The following CTRB1 variants were observed in gnomAD, a reference collection of about 807,000 sequenced individuals.
CTRB1 encodes the protein chymotrypsinogen B.
CTRB1 carries 15 observed loss-of-function variants against 20.4 expected under a neutral mutation model. The ratio of observed to expected loss-of-function variants is 0.74; its 90% CI spans 0.49 to 1.13. The LOEUF (loss-of-function observed/expected upper bound fraction) is 1.13. Ranked by LOEUF, CTRB1 falls within the 50% of genes most tolerant of loss-of-function variation. The pLI, the probability that CTRB1 is intolerant of heterozygous loss-of-function variation, is 0.00. For missense variants in CTRB1, 227 were observed against 290.1 expected, an observed-to-expected ratio of 0.78 and a Z score of 1.58; for synonymous variants, 92 against 128.4, an observed-to-expected ratio of 0.72 and a Z score of 1.92.
intron 1 of CTRB1, among the ~76,000 whole-genome samples, chr16:75,221,539 T>C (rs1412665393): frequency 2.0e-5 from 3 of 152,024 alleles, no homozygotes; most frequent in Non-Finnish European, 4.4e-5. Flanking sequence ...TTTGTATTTT[T>C]AGTAGAGATG....
intron 6 of CTRB1, 92 bp from the exon 7 acceptor site, chr16:75,224,613 C>A: frequency 7.1e-7 from 1 of 1,409,506 alleles, no homozygotes; most frequent in Non-Finnish European, 9.6e-7. Flanking sequence ...TGTGTGGGGT[C>A]CTGGACTGGA....
Position 75,224,737 on chromosome 16 carries a change from G to C in CTRB1, c.663G>C (p.Lys221Asn). The C allele has an allele frequency of 6.2e-7, 1 of 1,613,236 alleles. No homozygotes were observed. Among genetic ancestry groups the C allele is most frequent in the Non-Finnish European group, 8.5e-7 (1 of 1,179,830 alleles). ...CTGGCGGCCCCCTGGTCTGCCAAAA[G>C]GATGGAGCCTGGACCCTGGTGGGCA... Reference protein sequence around the residue: ...GDSGGPLVCQKDGAWTLVGIV... With the variant: ...GDSGGPLVCQNDGAWTLVGIV... Residue 221 changes from lysine to asparagine, a missense_variant, in exon 7 of 7, where the codon AAG (lysine) becomes AAC (asparagine). Coordinates refer to ENST00000361017, the MANE Select transcript of CTRB1 (RefSeq NM_001906.6).
rs765229812 is a variant in CTRB1, at chr16:75,224,196, T to C, written c.630+8T>C. The C allele has an allele frequency of 9.4e-5, 135 of 1,440,792 alleles. No individual in the cohort carries two copies. The highest frequency in any genetic ancestry group is 1.2e-4 in the Non-Finnish European group (125 of 1,083,784). The allele number at this position is 1,440,792 out of a possible 1,614,324, so 89.3% of individuals were successfully genotyped here. On this transcript the variant is annotated splice_region_variant and intron_variant, in intron 6 of 6. Transcript: ENST00000361017. Reference sequence around the variant, plus strand: ...GGCGTCTCCTCCTGCATGGTGAGGCTGGCCCTGCCCAGGCCCTGGCCAGGC... The same window carrying C: ...GGCGTCTCCTCCTGCATGGTGAGGCCGGCCCTGCCCAGGCCCTGGCCAGGC...
At chr16:75,224,598 T>G in intron 6 of CTRB1, 107 bp from the exon 7 acceptor site, 1 of 1,287,746 alleles carries the variant, frequency 7.8e-7, no homozygotes, top group Non-Finnish European at 1.1e-6. Flanking sequence ...GCTGAGCCTT[T>G]GCTGTGTGTG....
Position 75,224,197 on chromosome 16 carries a change from G to A in CTRB1, c.630+9G>A, listed in dbSNP as rs2076715562. On this transcript the variant is annotated intron_variant, in intron 6 of 6. Coordinates refer to ENST00000361017, the MANE Select transcript of CTRB1 (RefSeq NM_001906.6). ...GCGTCTCCTCCTGCATGGTGAGGCT[G>A]GCCCTGCCCAGGCCCTGGCCAGGCG... 1 of 1,436,738 alleles carries A rather than the reference G, an allele frequency of 7.0e-7. No homozygotes were observed. The highest frequency in any genetic ancestry group is 9.3e-7 in the Non-Finnish European group (1 of 1,080,486). 89.0% of individuals were successfully genotyped at this position (1,436,738 alleles called of 1,614,324 possible). A position where few individuals can be genotyped will look rare whatever the true frequency, so the allele number is the denominator to read the frequency against.
At chr16:75,220,600 A>C (rs1256064616) in intron 1 of CTRB1, among the ~76,000 whole-genome samples, 1 of 152,222 alleles carries the variant, frequency 6.6e-6, no homozygotes, top group East Asian at 1.9e-4. Flanking sequence ...TGGCTGATGT[A>C]ACTAATACTC....
intron 1 of CTRB1, among the ~76,000 whole-genome samples, chr16:75,222,181 C>T (rs1240005260): frequency 6.6e-6 from 1 of 151,752 alleles, no homozygotes; most frequent in Non-Finnish European, 1.5e-5. Context: ...AAAGAGAAAC[C>T]CAAACTTTAC....
chr16:75,222,064 G>C (rs1182378175), intron 1 of CTRB1, among the ~76,000 whole-genome samples: 2 of 108,598 alleles, frequency 1.8e-5, no homozygotes, highest in East Asian at 2.7e-4. Context: ...GTCTCAAAAA[G>C]AAAAAAAAAA....
At chr16:75,224,339 C>T (rs986172149) in intron 6 of CTRB1, 151 bp downstream of exon 6, 8 of 1,444,084 alleles carry the variant, frequency 5.5e-6, no homozygotes, top group Non-Finnish European at 7.5e-6. Flanking sequence ...AATGTCAGAG[C>T]CAATGGCTCT....
intron 1 of CTRB1, among the ~76,000 whole-genome samples, chr16:75,220,128 C>T (rs1052083917): frequency 1.4e-5 from 2 of 147,690 alleles, no homozygotes; most frequent in African/African-American, 5.2e-5. Flanking sequence ...GCGCTACAGG[C>T]ACGCTAAGTT....
chr16:75,219,542 C>T (rs919135474), intron 1 of CTRB1, among the ~76,000 whole-genome samples: 2 of 151,996 alleles, frequency 1.3e-5, no homozygotes, highest in East Asian at 3.9e-4. Context: ...CAGGCATGGA[C>T]CACCAACCCT....
At chr16:75,220,560 T>A (rs1310960841) in intron 1 of CTRB1, among the ~76,000 whole-genome samples, 1 of 152,062 alleles carries the variant, frequency 6.6e-6, no homozygotes, top group Non-Finnish European at 1.5e-5. Context: ...CCTCCCAGGG[T>A]GCTGGATTAC....
chr16:75,224,294 G>A (rs1219481427), intron 6 of CTRB1, 106 bp downstream of exon 6: 1 of 1,542,508 alleles, frequency 6.5e-7, no homozygotes, highest in African/African-American at 1.4e-5. Context: ...TCCTTCCTGG[G>A]TGTCAGAGTC....
At chr16:75,219,154 T>A in intron 1 of CTRB1, 95 bp downstream of exon 1, 1 of 1,319,140 alleles carries the variant, frequency 7.6e-7, no homozygotes, top group South Asian at 1.3e-5. Flanking sequence ...TGGGGCCTCA[T>A]CCCCAGCACA....
At position 75,219,055 on chromosome 16, in the gene CTRB1, C is replaced by G; in HGVS notation, c.48C>G (p.Ala16=). ...CCTGCTTCTCCCTTGTGGGGGCCGCCTTTGGTGAGTGCTGGTGCCCGAGGG... is the reference window on the plus strand; with the variant it reads ...CCTGCTTCTCCCTTGTGGGGGCCGCGTTTGGTGAGTGCTGGTGCCCGAGGG... ...LLSCFSLVGA[A]FGCGVPAIHP... The change falls in exon 1 of 7, where the codon GCC becomes GCG. Residue 16 remains alanine (A), a synonymous_variant. Coordinates refer to ENST00000361017, the MANE Select transcript of CTRB1 (RefSeq NM_001906.6). 6.3e-7 allele frequency: 1 copy of G among 1,589,886 alleles called. No homozygotes were observed. The highest frequency in any genetic ancestry group is 8.6e-7 in the Non-Finnish European group (1 of 1,169,482).
At position 75,219,014 on chromosome 16, in the gene CTRB1, T is replaced by G. The variant is rs1185358150; in HGVS notation, c.7T>G (p.Ser3Ala). 6.3e-7 allele frequency: 1 copy of G among 1,588,914 alleles called. No homozygotes were observed. The highest frequency in any genetic ancestry group is 2.3e-5 in the East Asian group (1 of 44,166). Residue 3 changes from serine to alanine, a missense_variant, in exon 1 of 7, where the codon TCC becomes GCC. Transcript: ENST00000361017. ...CACCTTCTGAGGCAGCGGCATGGCTTCCCTCTGGCTCCTCTCCTGCTTCTC... is the reference window on the plus strand; with the variant it reads ...CACCTTCTGAGGCAGCGGCATGGCTGCCCTCTGGCTCCTCTCCTGCTTCTC... MA[S>A]LWLLSCFSLV...
chr16:75,220,334 T>C (rs2039065548), intron 1 of CTRB1, among the ~76,000 whole-genome samples: 2 of 151,878 alleles, frequency 1.3e-5, no homozygotes, highest in African/African-American at 2.4e-5. Flanking sequence ...CAGGCATGCA[T>C]CACCACACCT....
chr16:75,219,587 T>C (rs1373338674), intron 1 of CTRB1, among the ~76,000 whole-genome samples: 1 of 152,138 alleles, frequency 6.6e-6, no homozygotes, highest in Admixed American at 6.5e-5. Flanking sequence ...TTTCACCACG[T>C]TGGCCAGGCT....
intron 1 of CTRB1, among the ~76,000 whole-genome samples, chr16:75,220,454 G>A (rs1489627210): frequency 6.6e-6 from 1 of 152,158 alleles, no homozygotes; most frequent in Non-Finnish European, 1.5e-5. Flanking sequence ...AAAGTGATGG[G>A]ATTACAGGCG....
Sources: allele counts gnomAD v4.1 joint callset (sites outside exome capture counted in the v4.1 genomes callset), GRCh38; gene constraint gnomAD v4.1.1; transcripts MANE v1.5; gene names NCBI Gene and HGNC (gene_info 2026-07-23, HGNC 2026-07-21).